Variants in NPAS3 observed in about 807,000 individuals in gnomAD.
NPAS3 encodes the protein neuronal PAS domain-containing protein 3.
A neutral mutation model predicts 73.1 loss-of-function variants in NPAS3; 14 were observed. That is an observed-to-expected ratio of 0.19 (90% CI 0.13 to 0.30). The LOEUF (loss-of-function observed/expected upper bound fraction) is 0.30. Ranked by LOEUF, NPAS3 falls within the 10% of genes least tolerant of loss-of-function variation. NPAS3 has a pLI of 1.00. For missense variants in NPAS3, 1,096 were observed against 1,250.0 expected, an observed-to-expected ratio of 0.88 and a Z score of 1.86; for synonymous variants, 620 against 541.5, an observed-to-expected ratio of 1.14 and a Z score of -2.01.
At chr14:33,177,372 T>G (rs2045632843) in intron 2 of NPAS3, among the ~76,000 whole-genome samples, 1 of 151,894 alleles carries the variant, frequency 6.6e-6, no homozygotes, top group African/African-American at 2.4e-5. Context: ...CTGGGTATCT[T>G]TTTATTATTT....
chr14:33,121,143 A>C (rs1374037103), intron 2 of NPAS3, among the ~76,000 whole-genome samples: 1 of 152,110 alleles, frequency 6.6e-6, no homozygotes, highest in Non-Finnish European at 1.5e-5. Context: ...TCTTATGCAC[A>C]CTGACCCAAA....
At chr14:33,752,960 C>G (rs540692034) in intron 7 of NPAS3, among the ~76,000 whole-genome samples, 3 of 152,164 alleles carry the variant, frequency 2.0e-5, no homozygotes, top group Admixed American at 2.0e-4. Context: ...TTTTAACTTA[C>G]TGACTTTTAA....
intron 2 of NPAS3, among the ~76,000 whole-genome samples, chr14:33,067,683 G>A (rs908114076): frequency 4.6e-5 from 7 of 152,188 alleles, no homozygotes; most frequent in African/African-American, 1.2e-4. Flanking sequence ...CAGAGGTTAA[G>A]TGATTCCAAG....
intron 3 of NPAS3, among the ~76,000 whole-genome samples, chr14:33,321,918 A>G (rs2043464850): frequency 6.6e-6 from 1 of 152,176 alleles, no homozygotes; most frequent in Admixed American, 6.5e-5. Context: ...GCCTTGAGAA[A>G]CAGAAAGGAT....
intron 4 of NPAS3, among the ~76,000 whole-genome samples, chr14:33,492,998 G>T (rs965923425): frequency 6.6e-6 from 1 of 152,080 alleles, no homozygotes; most frequent in Non-Finnish European, 1.5e-5. Context: ...TATGCATTTT[G>T]TTTATTTTAA....
rs562168530 is a variant in NPAS3, at chr14:33,442,668, T to G, written c.468+75400T>G. Among the ~76,000 whole-genome samples the G allele has an allele frequency of 1.8e-4, 27 of 152,286 alleles. 1 individual carries two copies. In the South Asian group the frequency reaches 5.4e-3, roughly 30 times the overall value. ...CCATGTGAAGAAGGACTTGTTTGCT[T>G]CCCATTGTGCCATGATTGTAAGTTT... On this transcript the variant is annotated intron_variant, in intron 4 of 11. Coordinates refer to ENST00000356141, the Ensembl canonical transcript of NPAS3.
chr14:33,386,451 A>G (rs1958215434), intron 4 of NPAS3, among the ~76,000 whole-genome samples: 1 of 152,100 alleles, frequency 6.6e-6, no homozygotes, highest in Non-Finnish European at 1.5e-5. Flanking sequence ...TGAAACAGCA[A>G]TGACCAATGG....
intron 2 of NPAS3, among the ~76,000 whole-genome samples, chr14:33,174,209 G>A: frequency 6.6e-6 from 1 of 152,124 alleles, no homozygotes. Context: ...ATGCCGTTTA[G>A]CCATCTATGA....
intron 4 of NPAS3, among the ~76,000 whole-genome samples, chr14:33,509,230 T>A (rs944123949): frequency 3.9e-5 from 6 of 152,050 alleles, no homozygotes; most frequent in Non-Finnish European, 8.8e-5. Flanking sequence ...TCCTTTGTTT[T>A]TATTCAACTT....
At chr14:33,567,187 G>A (rs949372458) in intron 5 of NPAS3, among the ~76,000 whole-genome samples, 1 of 152,146 alleles carries the variant, frequency 6.6e-6, no homozygotes. Context: ...GTGGCACCCT[G>A]AAGCTTCAGT....
chr14:33,682,939 C>T (rs919855284), intron 6 of NPAS3, among the ~76,000 whole-genome samples: 1 of 152,178 alleles, frequency 6.6e-6, no homozygotes, highest in African/African-American at 2.4e-5. Flanking sequence ...CCTTTGGGAC[C>T]TAATTCCTTG....
chr14:33,515,500 G>T (rs1246521477), intron 4 of NPAS3, among the ~76,000 whole-genome samples: 1 of 152,030 alleles, frequency 6.6e-6, no homozygotes, highest in Non-Finnish European at 1.5e-5. Flanking sequence ...TGCAAATAAA[G>T]TTTCATTGAA....
chr14:33,444,362 G>A (rs892228424), intron 4 of NPAS3, among the ~76,000 whole-genome samples: 4 of 152,164 alleles, frequency 2.6e-5, no homozygotes, highest in African/African-American at 9.7e-5. Flanking sequence ...GAGCAGTGAC[G>A]GGATGACATG....
chr14:33,287,966 C>G (rs904831624), intron 3 of NPAS3, among the ~76,000 whole-genome samples: 4 of 151,978 alleles, frequency 2.6e-5, no homozygotes, highest in African/African-American at 9.7e-5. Flanking sequence ...TTTCTTCCCT[C>G]AAAATCAGTT....
intron 2 of NPAS3, among the ~76,000 whole-genome samples, chr14:33,210,660 C>A (rs994808593): frequency 2.2e-4 from 33 of 152,124 alleles, no homozygotes; most frequent in Admixed American, 2.1e-3. Flanking sequence ...TTTTCACAAT[C>A]TTCCTGAGTA....
intron 2 of NPAS3, among the ~76,000 whole-genome samples, chr14:33,173,249 C>T (rs2139391335): frequency 6.6e-6 from 1 of 152,270 alleles, no homozygotes; most frequent in East Asian, 1.9e-4. Flanking sequence ...TATTGTCTAG[C>T]AAGCTTTATG....
chr14:32,939,341 C>A, exon 1 of NPAS3: 1 of 698,656 alleles, frequency 1.4e-6, no homozygotes. Context: ...GCCCAGCTTT[C>A]AGCAGGATCC....
chr14:33,554,805 T>C (rs760784125), intron 4 of NPAS3, among the ~76,000 whole-genome samples: 12 of 152,218 alleles, frequency 7.9e-5, no homozygotes, highest in Non-Finnish European at 1.3e-4. Context: ...CAAAACTCCT[T>C]TGACAAATAT....
chr14:33,326,101 A>ATACCTTAATTTAAGGTGATGG (rs2043691657), intron 3 of NPAS3, among the ~76,000 whole-genome samples: 1 of 152,116 alleles, frequency 6.6e-6, no homozygotes, highest in South Asian at 2.1e-4. Flanking sequence ...TAAGGTGATG[A>ATACCTTAATTTAAGGTGATGG]TACCTTAATT....
Sources: allele counts gnomAD v4.1 joint callset (sites outside exome capture counted in the v4.1 genomes callset), GRCh38; gene constraint gnomAD v4.1.1; transcripts MANE v1.5; gene names NCBI Gene and HGNC (gene_info 2026-07-23, HGNC 2026-07-21).